Variants in RERE observed in about 807,000 individuals in gnomAD.
The protein encoded by RERE is arginine-glutamic acid dipeptide repeats protein.
Under a neutral mutation model 146.1 loss-of-function variants are expected in RERE, and 40 were observed. The observed-to-expected ratio is 0.27, with a 90% CI of 0.21 to 0.36. The LOEUF is 0.36. Ranked by LOEUF, RERE falls within the 10% of genes least tolerant of loss-of-function variation. The pLI, the probability that RERE is intolerant of heterozygous loss-of-function variation, is 1.00. For missense variants in RERE, 1,933 were observed against 2,138.7 expected, an observed-to-expected ratio of 0.90 and a Z score of 1.90; for synonymous variants, 1,003 against 866.0, an observed-to-expected ratio of 1.16 and a Z score of -2.78.
Position 8,772,396 on chromosome 1 carries a change from AATTAG to A in RERE, c.-145+44759_-145+44763del, listed in dbSNP as rs376718702. Among the ~76,000 whole-genome samples the A allele has an allele frequency of 1.1e-3, 170 of 152,294 alleles. 2 individuals carry two copies. The East Asian group carries it at 0.019, about 17-fold the overall frequency. On this transcript the variant is annotated intron_variant, in intron 1 of 22. Transcript: ENST00000400908. ...ACTTACAAATCCAGCAAGGAAAAAA[AATTAG>A]ATTACATACTGTACCTTGCTCTGAT...
At chr1:8,755,131 A>C (rs926074816) in intron 1 of RERE, among the ~76,000 whole-genome samples, 4 of 152,374 alleles carry the variant, frequency 2.6e-5, no homozygotes, top group Admixed American at 6.5e-5. Flanking sequence ...GGCAAGAGGG[A>C]AACAGCAGCT....
At chr1:8,470,813 C>CTTTTTTTTTTTTTTTT (rs71580028) in intron 10 of RERE, among the ~76,000 whole-genome samples, 1 of 74,554 alleles carries the variant, frequency 1.3e-5, no homozygotes, top group Non-Finnish European at 2.3e-5. Flanking sequence ...AAAGAAATAC[C>CTTTTTTTTTTTTTTTT]TTTTTTTTTT....
At chr1:8,523,540 C>T (rs1417682032) in intron 7 of RERE, among the ~76,000 whole-genome samples, 5 of 152,198 alleles carry the variant, frequency 3.3e-5, no homozygotes, top group Admixed American at 3.3e-4. Flanking sequence ...ACCAGAGTAA[C>T]TTCCCATGTG....
In RERE at chr1:8,398,887, G is replaced by C. The variant is rs952238983; in HGVS notation, c.1284+23840C>G. On this transcript the variant is annotated intron_variant, in intron 12 of 22. Coordinates refer to ENST00000400908, the MANE Select transcript of RERE (RefSeq NM_001042681.2). ...ATGTGCGCGGCCACTAGGAGTACAT[G>C]AGAGTACCTGCTTTTCAACAACCTC... is the stretch of plus-strand genomic sequence containing the variant. Among the ~76,000 whole-genome samples, 4 of 152,184 alleles carry C rather than the reference G, an allele frequency of 2.6e-5. 1 individual carries two copies. Among genetic ancestry groups the C allele is most frequent in the Non-Finnish European group, 5.9e-5 (4 of 68,034 alleles).
chr1:8,677,033 C>G (rs1570597107), intron 1 of RERE, among the ~76,000 whole-genome samples: 2 of 144,742 alleles, frequency 1.4e-5, no homozygotes, highest in East Asian at 3.9e-4. Flanking sequence ...TACAGATCCC[C>G]TGTGCTTGAG....
intron 1 of RERE, among the ~76,000 whole-genome samples, chr1:8,755,713 C>T (rs1226080179): frequency 6.6e-6 from 1 of 152,172 alleles, no homozygotes; most frequent in Non-Finnish European, 1.5e-5. Flanking sequence ...GCAAGCAAAT[C>T]GGCAAAAACA....
intron 1 of RERE, among the ~76,000 whole-genome samples, chr1:8,659,782 G>A (rs555245684): frequency 6.6e-6 from 1 of 152,294 alleles, no homozygotes; most frequent in African/African-American, 2.4e-5. Flanking sequence ...AGAAAACTGT[G>A]TAGAAAACAT....
chr1:8,390,735 C>A (rs1021040975), intron 12 of RERE, among the ~76,000 whole-genome samples: 3 of 152,158 alleles, frequency 2.0e-5, no homozygotes, highest in Non-Finnish European at 2.9e-5. Context: ...AAACATACAT[C>A]TCAAAACCAG....
chr1:8,487,209 C>G (rs1441603065), intron 10 of RERE, among the ~76,000 whole-genome samples: 4 of 151,962 alleles, frequency 2.6e-5, no homozygotes, highest in Non-Finnish European at 5.9e-5. Context: ...AAAAACAAAG[C>G]AACTGACAAA....
intron 12 of RERE, among the ~76,000 whole-genome samples, chr1:8,367,613 C>A (rs947746958): frequency 6.6e-6 from 1 of 152,148 alleles, no homozygotes; most frequent in African/African-American, 2.4e-5. Flanking sequence ...GGGACAAGCA[C>A]ACTCATGTCC....
intron 11 of RERE, among the ~76,000 whole-genome samples, chr1:8,427,145 C>G (rs556464291): frequency 2.0e-5 from 3 of 152,236 alleles, no homozygotes; most frequent in East Asian, 3.9e-4. Flanking sequence ...TGTGAGTCAC[C>G]GCACCCGGAC....
chr1:8,623,433 A>G (rs1046019067), intron 3 of RERE, among the ~76,000 whole-genome samples: 2 of 152,236 alleles, frequency 1.3e-5, no homozygotes, highest in Non-Finnish European at 2.9e-5. Context: ...CCTGGGTGAC[A>G]GAGCAAGACT....
chr1:8,771,925 A>G (rs1299468114), intron 1 of RERE, among the ~76,000 whole-genome samples: 6 of 151,556 alleles, frequency 4.0e-5, no homozygotes, highest in African/African-American at 1.5e-4. Flanking sequence ...AAAAAAAAAA[A>G]AAAAGAAAGA....
Position 8,484,482 on chromosome 1 carries a change from G to T in RERE, c.1104+10581C>A, listed in dbSNP as rs187668892. ...GCTCTGTCGCCCAGGCTGGAGTGCA[G>T]TAGCGCCATCTCGGCTCACTGCAAG... is the stretch of plus-strand genomic sequence containing the variant. On this transcript the variant is annotated intron_variant, in intron 10 of 22. Transcript: ENST00000400908. Among the ~76,000 whole-genome samples, 13 of 150,090 alleles carry T rather than the reference G, an allele frequency of 8.7e-5. No homozygotes were observed. In the South Asian group the frequency reaches 1.0e-3, roughly 12 times the overall value.
At chr1:8,661,612 T>G (rs1638459151) in intron 1 of RERE, among the ~76,000 whole-genome samples, 1 of 152,132 alleles carries the variant, frequency 6.6e-6, no homozygotes, top group Non-Finnish European at 1.5e-5. Context: ...CATGTTTGTA[T>G]GTTTTAAAGG....
At chr1:8,721,762 G>A (rs941990099) in intron 1 of RERE, among the ~76,000 whole-genome samples, 5 of 152,296 alleles carry the variant, frequency 3.3e-5, no homozygotes, top group Non-Finnish European at 7.4e-5. Context: ...GCAAAAATAT[G>A]TTCTCCTTTC....
intron 1 of RERE, among the ~76,000 whole-genome samples, chr1:8,667,837 T>C (rs1244339338): frequency 6.6e-6 from 1 of 152,230 alleles, no homozygotes; most frequent in East Asian, 1.9e-4. Flanking sequence ...GGAAATACAC[T>C]GCTCACTCTA....
intron 7 of RERE, among the ~76,000 whole-genome samples, chr1:8,527,935 G>C (rs1570394014): frequency 6.6e-6 from 1 of 152,290 alleles, no homozygotes; most frequent in East Asian, 1.9e-4. Flanking sequence ...GCTCAGAAAT[G>C]CAGGAGCCCC....
At chr1:8,735,174 C>T (rs999018337) in intron 1 of RERE, among the ~76,000 whole-genome samples, 2 of 152,182 alleles carry the variant, frequency 1.3e-5, no homozygotes, top group Non-Finnish European at 2.9e-5. Flanking sequence ...AGAATTCAAA[C>T]CTTAGCTGTT....
Sources: gnomAD v4.1 joint callset for allele counts (sites outside exome capture counted in the v4.1 genomes callset) on GRCh38, gnomAD v4.1.1 for gene constraint, MANE v1.5 for transcripts, NCBI Gene and HGNC (gene_info 2026-07-23, HGNC 2026-07-21) for gene names.